GBX1: variants seen among roughly 807,000 people sequenced by gnomAD.
GBX1 encodes the protein homeobox protein GBX-1.
In GBX1, 9 loss-of-function variants were observed where a neutral mutation model predicts 22.9. The observed-to-expected ratio is 0.39, with a 90% confidence interval of 0.24 to 0.69. The LOEUF is 0.69. Ranked by LOEUF, GBX1 falls within the 30% of genes least tolerant of loss-of-function variation. The pLI is 0.43. For missense variants in GBX1, 494 were observed against 509.2 expected (o/e 0.97, Z 0.29); for synonymous variants, 203 against 227.3 (o/e 0.89, Z 0.96).
At chr7:151,152,174 T>C (rs1476431365) in intron 1 of GBX1, among the ~76,000 whole-genome samples, 1 of 152,226 alleles carries the variant, frequency 6.6e-6, no homozygotes, top group Non-Finnish European at 1.5e-5. Context: ...TAAGCATCTG[T>C]TGACTAAATA....
intron 1 of GBX1, among the ~76,000 whole-genome samples, chr7:151,151,181 G>A (rs1003309167): frequency 6.6e-6 from 1 of 151,984 alleles, no homozygotes. Context: ...AAGTCCATGC[G>A]GCATGCCCCA....
At chr7:151,156,409 A>AAAAAAAAAAAAAAAAAC (rs1801135398) in intron 1 of GBX1, among the ~76,000 whole-genome samples, 1 of 149,040 alleles carries the variant, frequency 6.7e-6, no homozygotes, top group African/African-American at 2.5e-5. Flanking sequence ...AAAAAAAAAA[A>AAAAAAAAAAAAAAAAAC]AAAAAAACGA....
rs961010047 is a variant in GBX1 at position 151,159,233 on chromosome 7, C to T, written c.538+7778G>A. The stretch of plus-strand genomic sequence containing the variant: ...CAGTGTAGCTGGGACCACAGGTGTG[C>T]GCCACCACTGCTAGCTAATTTTCTG... On this transcript the variant is annotated intron_variant, in intron 1 of 1. Coordinates refer to ENST00000297537, the MANE Select transcript of GBX1 (RefSeq NM_001098834.3). Among the ~76,000 whole-genome samples the T allele has an allele frequency of 2.0e-4, 30 of 152,092 alleles. No homozygotes were observed. In the East Asian group the frequency reaches 3.1e-3, roughly 16 times the overall value.
chr7:151,165,775 G>T (rs1456400221), intron 1 of GBX1, among the ~76,000 whole-genome samples: 3 of 152,214 alleles, frequency 2.0e-5, no homozygotes. Flanking sequence ...CAGGCCCCAT[G>T]GCAGCCTTTG....
intron 1 of GBX1, among the ~76,000 whole-genome samples, chr7:151,162,318 A>G (rs1050964182): frequency 6.6e-6 from 1 of 152,216 alleles, no homozygotes; most frequent in African/African-American, 2.4e-5. Flanking sequence ...TAAATATCAT[A>G]TCTTGACAAT....
rs757730923 is a variant in GBX1, at chr7:151,167,259, G to T, written c.290C>A (p.Ser97Ter). 1.3e-6 allele frequency: 2 copies of T among 1,550,544 alleles called. No homozygotes were observed. Among genetic ancestry groups the T allele is most frequent in the Non-Finnish European group, 8.7e-7 (1 of 1,150,480 alleles). ...CAGCGCGGTGGTCAGCGCCACCATC[G>T]AGGGCACAGCCTGACCCAGCCCCGC... is the stretch of plus-strand genomic sequence containing the variant. ...FCAGLGQAVPSMVALTTALPS... is the reference protein window; with the variant it reads ...FCAGLGQAVP The change falls in exon 1 of 2, where the codon TCG becomes TAG. Residue 97 changes from serine to a stop codon, truncating the protein, a stop_gained. Coordinates refer to ENST00000297537, the MANE Select transcript of GBX1 (RefSeq NM_001098834.3). LOFTEE classifies it high-confidence loss of function. The surrounding 1 kb of genome is among the most constrained non-coding windows in gnomAD (Gnocchi z 5.9).
Position 151,167,309 on chromosome 7 carries a change from G to A in GBX1, c.240C>T (p.Ala80=). 1.3e-6 allele frequency: 2 copies of A among 1,523,926 alleles called. No individual in the cohort carries two copies. Among genetic ancestry groups the A allele is most frequent in the South Asian group, 1.2e-5 (1 of 80,438 alleles). The allele number at this position is 1,523,926 out of a possible 1,614,324, so 94.4% of individuals were successfully genotyped here. A position where few individuals can be genotyped will look rare whatever the true frequency, so the allele number is the denominator to read the frequency against. Residue 80 remains alanine, a synonymous_variant, in exon 1 of 2, where the codon GCC becomes GCT. Coordinates refer to ENST00000297537, the MANE Select transcript of GBX1 (RefSeq NM_001098834.3). This position sits in a 1 kb window ranked among gnomAD's most constrained non-coding sequence, Gnocchi z 5.9. ...LPPLAPLASF[A]GRLTNTFCAG... Reference sequence around the variant, plus strand: ...CGCAGAAGGTGTTGGTAAGGCGGCCGGCGAAAGAGGCTAGCGGGGCGAGGG... The same window carrying A: ...CGCAGAAGGTGTTGGTAAGGCGGCCAGCGAAAGAGGCTAGCGGGGCGAGGG...
At chr7:151,149,908 T>A (rs1239262933) in intron 1 of GBX1, 2 of 455,832 alleles carry the variant, frequency 4.4e-6, no homozygotes, top group Non-Finnish European at 8.8e-6. Context: ...AATGAAACCA[T>A]CTCTTTCCCA....
chr7:151,160,885 A>G (rs1042707118), intron 1 of GBX1, among the ~76,000 whole-genome samples: 2 of 152,122 alleles, frequency 1.3e-5, no homozygotes, highest in Non-Finnish European at 2.9e-5. Context: ...TTGCATAGAG[A>G]GCTCTGTCCT....
At chr7:151,165,599 C>G (rs969173237) in intron 1 of GBX1, among the ~76,000 whole-genome samples, 2 of 152,174 alleles carry the variant, frequency 1.3e-5, no homozygotes, top group African/African-American at 4.8e-5. Flanking sequence ...ACATTTTCTC[C>G]CACCTTCCAG....
intron 1 of GBX1, among the ~76,000 whole-genome samples, chr7:151,163,985 C>T (rs1801222353): frequency 6.6e-6 from 1 of 152,196 alleles, no homozygotes; most frequent in South Asian, 2.1e-4. Flanking sequence ...TAACAAAGTT[C>T]CTTTTATCCT....
In GBX1 at chr7:151,167,110, C is replaced by T. The variant is rs377469765; in HGVS notation, c.439G>A (p.Gly147Arg). Residue 147 changes from glycine (G) to arginine (R), a missense_variant, in exon 1 of 2, where the codon GGG becomes AGG. Physicochemically the swap from Gly to Arg is moderately radical, Grantham distance 125. This residue lies in a region of GBX1 where 365 missense variants were observed against 340.4 expected (regional missense o/e 1.07). Coordinates refer to ENST00000297537, the MANE Select transcript of GBX1 (RefSeq NM_001098834.3). The surrounding 1 kb of genome is among the most constrained non-coding windows in gnomAD (Gnocchi z 5.9). ...PEPGGRRPEG[G>R]LEADELLPAR... The stretch of plus-strand genomic sequence containing the variant: ...GGCAGCAGCTCATCAGCTTCCAGCC[C>T]ACCCTCTGGGCGTCGGCCGCCTGGC... The T allele has an allele frequency of 2.2e-5, 36 of 1,603,096 alleles. No individual in the cohort carries two copies. Among genetic ancestry groups the T allele is most frequent in the Non-Finnish European group, 2.6e-5 (31 of 1,176,554 alleles).
At chr7:151,150,092 G>T in intron 1 of GBX1, 2 of 340,702 alleles carry the variant, frequency 5.9e-6, no homozygotes, top group South Asian at 2.1e-5. Flanking sequence ...AGAAGGAAAG[G>T]GTAAAAAAGA....
In GBX1 at chr7:151,167,490, C is replaced by T. The variant is rs1436106061; in HGVS notation, c.59G>A (p.Gly20Asp). The T allele has an allele frequency of 7.4e-6, 11 of 1,486,928 alleles. No individual in the cohort carries two copies. In the East Asian group the frequency reaches 2.3e-4, roughly 30 times the overall value. The allele number at this position is 1,486,928 out of a possible 1,614,324, so 92.1% of individuals were successfully genotyped here. Reference protein sequence around the residue: ...PGGNGGGGGGGPGTAFSIDSL... With the variant: ...PGGNGGGGGGDPGTAFSIDSL... ...GTCGATGGAGAAGGCAGTGCCCGGG[C>T]CCCCGCCGCCGCCCCCGCCGTTGCC... Residue 20 changes from glycine (G) to aspartate (D), a missense_variant, in exon 1 of 2, where the codon GGC becomes GAC. By Grantham distance (94) the Gly-to-Asp change is moderately conservative. Transcript: ENST00000297537. This position sits in a 1 kb window ranked among gnomAD's most constrained non-coding sequence, Gnocchi z 5.9.
At chr7:151,157,121 C>A (rs551644567) in intron 1 of GBX1, among the ~76,000 whole-genome samples, 34 of 151,794 alleles carry the variant, frequency 2.2e-4, no homozygotes, top group African/African-American at 8.0e-4. Flanking sequence ...CATAGTGAAA[C>A]CCTGTCTCTA....
At position 151,167,499 on chromosome 7, in the gene GBX1, C is replaced by A; in HGVS notation, c.50G>T (p.Gly17Val). The A allele has an allele frequency of 6.7e-7, 1 of 1,483,596 alleles. No homozygotes were observed. 91.9% of individuals were successfully genotyped at this position (1,483,596 alleles called of 1,614,324 possible). A position where few individuals can be genotyped will look rare whatever the true frequency, so the allele number is the denominator to read the frequency against. Reference protein sequence around the residue: ...GSAPGGNGGGGGGGPGTAFSI... With the variant: ...GSAPGGNGGGVGGGPGTAFSI... Reference sequence around the variant, plus strand: ...GAAGGCAGTGCCCGGGCCCCCGCCGCCGCCCCCGCCGTTGCCCCCAGGGGC... The same window carrying A: ...GAAGGCAGTGCCCGGGCCCCCGCCGACGCCCCCGCCGTTGCCCCCAGGGGC... The change falls in exon 1 of 2, where the codon GGC (glycine) becomes GTC (valine). Residue 17 changes from glycine (G) to valine (V), a missense_variant. Coordinates refer to ENST00000297537, the MANE Select transcript of GBX1 (RefSeq NM_001098834.3). The surrounding 1 kb of genome is among the most constrained non-coding windows in gnomAD (Gnocchi z 5.9).
intron 1 of GBX1, chr7:151,149,739 C>T: frequency 1.1e-5 from 4 of 351,722 alleles, no homozygotes; most frequent in South Asian, 6.2e-5. Flanking sequence ...TGTCTCATGG[C>T]CTCTGTTCTG....
chr7:151,157,855 G>A (rs1801152948), intron 1 of GBX1, among the ~76,000 whole-genome samples: 1 of 152,038 alleles, frequency 6.6e-6, no homozygotes, highest in Non-Finnish European at 1.5e-5. Flanking sequence ...GTCATCCCAG[G>A]GTTTTATTTA....
At chr7:151,166,420 C>T (rs934064836) in intron 1 of GBX1, among the ~76,000 whole-genome samples, 4 of 149,446 alleles carry the variant, frequency 2.7e-5, no homozygotes, top group Non-Finnish European at 4.4e-5. Context: ...CTACTCAGTT[C>T]TTCAAGGCTT....
Sources: allele counts gnomAD v4.1 joint callset (sites outside exome capture counted in the v4.1 genomes callset), GRCh38; gene constraint gnomAD v4.1.1; regional missense constraint gnomAD v4.1.1; non-coding constraint Gnocchi (gnomAD v3.1); transcripts MANE v1.5; gene names NCBI Gene and HGNC (gene_info 2026-07-23, HGNC 2026-07-21).